The following CBLB variants were observed in gnomAD, a reference collection of about 807,000 sequenced individuals.
The protein encoded by CBLB is E3 ubiquitin-protein ligase CBL-B.
In CBLB, 31 loss-of-function variants were observed where a neutral mutation model predicts 104.9. The observed-to-expected ratio is 0.30, with a 90% CI of 0.22 to 0.40. The LOEUF (loss-of-function observed/expected upper bound fraction) is 0.40, where lower values mean the gene tolerates loss of function less well. Among genes scored for constraint, CBLB ranks in the 10% least tolerant of loss-of-function variants. The probability of loss-of-function intolerance (pLI) is 1.00; values close to 1 mark genes in which losing one functional copy is unlikely to be tolerated. For missense variants in CBLB, 1,062 were observed against 1,214.6 expected (o/e 0.87, Z 1.87); for synonymous variants, 440 against 422.6 (o/e 1.04, Z -0.51).
At chr3:105,785,907 C>T (rs2080932050) in intron 3 of CBLB, among the ~76,000 whole-genome samples, 1 of 152,062 alleles carries the variant, frequency 6.6e-6, no homozygotes, top group Non-Finnish European at 1.5e-5. Context: ...AACTGGGAAC[C>T]AGTGGTAGTG....
intron 1 of CBLB, chr3:105,868,126 G>A (rs2153164711): frequency 1.3e-6 from 1 of 794,240 alleles, no homozygotes; most frequent in Non-Finnish European, 1.7e-6. Context: ...AAAGCGCAGG[G>A]CATGTCCCAC....
At chr3:105,869,047 CGGGGCGGGGCGGGGCG>C (rs1253411060), upstream of CBLB, 13 of 282,526 alleles carry the variant, frequency 4.6e-5, no homozygotes, top group Non-Finnish European at 7.9e-5. Context: ...GACCCAGGCT[CGGGGCGGGGCGGGGCG>C]GGGGCGGGGC....
Position 105,666,673 on chromosome 3 carries a change from G to A in CBLB, c.2689+3560C>T, listed in dbSNP as rs138513496. ...TGCACTCCAGCCTGGGCGACAGAGC[G>A]AGACTCCATCTCAAAAAAAAAGAAA... On this transcript the variant is annotated intron_variant, in intron 18 of 18. Coordinates refer to ENST00000394030, the MANE Select transcript of CBLB (RefSeq NM_170662.5). 2.9e-3 allele frequency among the ~76,000 whole-genome samples: 442 copies of A among 152,042 alleles called. 4 individuals carry two copies. The highest frequency in any genetic ancestry group is 0.01 in the African/African-American group (425 of 41,462).
intron 13 of CBLB, among the ~76,000 whole-genome samples, chr3:105,692,490 G>A (rs1466213220): frequency 6.6e-6 from 1 of 152,110 alleles, no homozygotes; most frequent in Non-Finnish European, 1.5e-5. Context: ...CTGAGATATG[G>A]ACCTTTAGGA....
chr3:105,786,466 G>A (rs1322947880), intron 3 of CBLB, among the ~76,000 whole-genome samples: 2 of 152,106 alleles, frequency 1.3e-5, no homozygotes, highest in African/African-American at 4.8e-5. Context: ...TTCAAACGGA[G>A]AAGGCATCTC....
At chr3:105,745,493 A>G (rs900035904) in intron 6 of CBLB, among the ~76,000 whole-genome samples, 1 of 152,094 alleles carries the variant, frequency 6.6e-6, no homozygotes, top group African/African-American at 2.4e-5. Flanking sequence ...GTATTTGTTC[A>G]TAAACTTACA....
chr3:105,683,062 GCTT>G (rs2066516212), intron 14 of CBLB, among the ~76,000 whole-genome samples: 1 of 152,146 alleles, frequency 6.6e-6, no homozygotes, highest in Non-Finnish European at 1.5e-5. Context: ...ATGCAAGAAT[GCTT>G]CATCTGAAAT....
intron 6 of CBLB, among the ~76,000 whole-genome samples, chr3:105,741,344 A>ACG (rs1416168009): frequency 6.6e-6 from 1 of 151,310 alleles, no homozygotes; most frequent in African/African-American, 2.4e-5. Flanking sequence ...GTGTGCCACG[A>ACG]CGCCCAGCTA....
chr3:105,709,055 G>C (rs1191093151), intron 10 of CBLB, among the ~76,000 whole-genome samples: 1 of 151,706 alleles, frequency 6.6e-6, no homozygotes, highest in African/African-American at 2.4e-5. Flanking sequence ...CCCACTATCA[G>C]CTCTTAATGC....
chr3:105,816,775 G>A (rs1019744385), intron 3 of CBLB, among the ~76,000 whole-genome samples: 7 of 152,008 alleles, frequency 4.6e-5, no homozygotes, highest in African/African-American at 1.7e-4. Context: ...ACTTTACTGA[G>A]CACCAAAATA....
rs745555413 is a variant in CBLB, at chr3:105,659,202, G to T, written c.2717C>A (p.Pro906His). 1.1e-5 allele frequency: 17 copies of T among 1,613,962 alleles called. No individual in the cohort carries two copies. The highest frequency in any genetic ancestry group is 2.5e-6 in the Non-Finnish European group (3 of 1,179,902). ...TGCAGTCCTGCGCGGTCGTGGTTTAGGGGGTCTGGCTGGTGCCTGTGAACC... is the reference window on the plus strand; with the variant it reads ...TGCAGTCCTGCGCGGTCGTGGTTTATGGGGTCTGGCTGGTGCCTGTGAACC... Reference protein sequence around the residue: ...SDGSQAPARPPKPRPRRTAPE... With the variant: ...SDGSQAPARPHKPRPRRTAPE... The change falls in exon 19 of 19, where the codon CCT (proline) becomes CAT (histidine). Residue 906 changes from proline to histidine, a missense_variant. By Grantham distance (77) the Pro-to-His change is moderately conservative (BLOSUM62 -2). Coordinates refer to ENST00000394030, the MANE Select transcript of CBLB (RefSeq NM_170662.5).
intron 9 of CBLB, among the ~76,000 whole-genome samples, chr3:105,732,895 A>G (rs1486823461): frequency 6.6e-6 from 1 of 152,152 alleles, no homozygotes; most frequent in East Asian, 1.9e-4. Flanking sequence ...AAGACTAGAA[A>G]ATTTAATTAT....
intron 3 of CBLB, among the ~76,000 whole-genome samples, chr3:105,826,012 C>A (rs1367278880): frequency 6.6e-6 from 1 of 152,098 alleles, no homozygotes; most frequent in Non-Finnish European, 1.5e-5. Flanking sequence ...ATAGCTTCAA[C>A]TAAGCTCCTT....
At chr3:105,770,968 T>C (rs1156333979) in intron 4 of CBLB, among the ~76,000 whole-genome samples, 2 of 152,184 alleles carry the variant, frequency 1.3e-5, no homozygotes, top group Non-Finnish European at 2.9e-5. Flanking sequence ...CTACCAGACA[T>C]TCAAAGACAA....
At chr3:105,755,009 ATCTT>A (rs2076951920) in intron 4 of CBLB, among the ~76,000 whole-genome samples, 1 of 142,064 alleles carries the variant, frequency 7.0e-6, no homozygotes, top group Non-Finnish European at 1.5e-5. Flanking sequence ...GAAAAACAGT[ATCTT>A]TTCTTTTTTT....
intron 9 of CBLB, among the ~76,000 whole-genome samples, chr3:105,722,574 A>G (rs1004658047): frequency 5.3e-5 from 8 of 152,258 alleles, no homozygotes; most frequent in Non-Finnish European, 7.3e-5. Context: ...ACCTAATCGT[A>G]ACTAAAAATT....
rs895579802 is a variant in CBLB, at chr3:105,853,407, T to C, written c.419+7A>G. The C allele has an allele frequency of 2.8e-5, 45 of 1,613,496 alleles. No homozygotes were observed. The highest frequency in any genetic ancestry group is 3.6e-5 in the Non-Finnish European group (43 of 1,179,654). Reference sequence around the variant, plus strand: ...TTACACCAAAACATCTGAAATATTCTTCTTACCTGTCCTGTGACTGTTCTT... The same window carrying C: ...TTACACCAAAACATCTGAAATATTCCTCTTACCTGTCCTGTGACTGTTCTT... On this transcript the variant is annotated splice_region_variant and intron_variant, in intron 3 of 18. Coordinates refer to ENST00000394030, the MANE Select transcript of CBLB (RefSeq NM_170662.5).
At chr3:105,670,457 A>T in intron 17 of CBLB, 105 bp from the exon 18 acceptor site, 1 of 922,484 alleles carries the variant, frequency 1.1e-6, no homozygotes, top group South Asian at 1.5e-5. Flanking sequence ...TTCAAAAATA[A>T]ATTAGAAAAT....
chr3:105,724,301 A>G (rs2073297307), intron 9 of CBLB: 1 of 156,034 alleles, frequency 6.4e-6, no homozygotes. Context: ...ACAAGGAAAA[A>G]AGACATTGGT....
Sources: gnomAD v4.1 joint callset for allele counts (sites outside exome capture counted in the v4.1 genomes callset) on GRCh38, gnomAD v4.1.1 for gene constraint, MANE v1.5 for transcripts, NCBI Gene and HGNC (gene_info 2026-07-23, HGNC 2026-07-21) for gene names.